Variants in EPHA5 observed in about 807,000 individuals in gnomAD.
EPHA5 encodes EPH receptor A5.
In EPHA5, 60 loss-of-function variants were observed where a neutral mutation model predicts 105.0. The observed-to-expected ratio is 0.57, with a 90% CI of 0.46 to 0.71. The LOEUF is 0.71. Ranked by LOEUF, EPHA5 falls within the 30% of genes least tolerant of loss-of-function variation. EPHA5 has a pLI of 0.00. For missense variants in EPHA5, 1,218 were observed against 1,274.7 expected, an observed-to-expected ratio of 0.96 and a Z score of 0.68; for synonymous variants, 513 against 449.1, an observed-to-expected ratio of 1.14 and a Z score of -1.80.
At chr4:65,623,142 A>C (rs1469662300) in intron 2 of EPHA5, among the ~76,000 whole-genome samples, 3 of 152,072 alleles carry the variant, frequency 2.0e-5, no homozygotes, top group Non-Finnish European at 1.5e-5. Context: ...AAAAAATCCC[A>C]CTTTTATTAA....
intron 3 of EPHA5, among the ~76,000 whole-genome samples, chr4:65,527,450 A>G (rs779619387): frequency 6.6e-6 from 1 of 152,060 alleles, no homozygotes; most frequent in Non-Finnish European, 1.5e-5. Flanking sequence ...CATGGAGTAC[A>G]AAAAGTCATA....
chr4:65,572,647 A>T (rs1740310970), intron 3 of EPHA5, among the ~76,000 whole-genome samples: 1 of 152,202 alleles, frequency 6.6e-6, no homozygotes, highest in Admixed American at 6.5e-5. Flanking sequence ...TGTTATATGT[A>T]CGGAATATGA....
In EPHA5 at chr4:65,601,926, C is replaced by T. The variant is rs202165566; in HGVS notation, c.625G>A (p.Gly209Arg). The T allele has an allele frequency of 6.7e-5, 108 of 1,613,940 alleles. 1 individual carries two copies. The highest frequency in any genetic ancestry group is 3.4e-6 in the Non-Finnish European group (4 of 1,179,998). Residue 209 changes from glycine (G) to arginine (R), a missense_variant, in exon 3 of 17, where the codon GGA (glycine) becomes AGA (arginine). By Grantham distance (125) the Gly-to-Arg change is moderately radical. Around this residue, in one of 3 missense-constraint regions of EPHA5, gnomAD observed 971 missense variants for 1,013.5 expected, o/e 0.96. Coordinates refer to ENST00000613740, the MANE Select transcript of EPHA5 (RefSeq NM_001281766.3). ...VRDVGPLSKK[G>R]FYLAFQDVGA... ...ACATCTTGAAAAGCAAGATAAAATC[C>T]CTTTTTGCTTAGAGGTCCTACATCT...
intron 1 of EPHA5, among the ~76,000 whole-genome samples, chr4:65,661,566 T>G (rs1318529660): frequency 2.6e-5 from 4 of 152,226 alleles, no homozygotes; most frequent in Admixed American, 2.6e-4. Context: ...AGAAAAACTC[T>G]TAAGTGAGAT....
At chr4:65,351,627 T>A (rs1277442017) in intron 12 of EPHA5, 29 bp from the exon 13 acceptor site, 3 of 1,595,934 alleles carry the variant, frequency 1.9e-6, no homozygotes, top group Non-Finnish European at 1.7e-6. Flanking sequence ...AATATTAGTC[T>A]AGCAACACCA....
chr4:65,562,586 G>A (rs1739128262), intron 3 of EPHA5, among the ~76,000 whole-genome samples: 1 of 152,040 alleles, frequency 6.6e-6, no homozygotes, highest in East Asian at 1.9e-4. Flanking sequence ...ATCCATGCAT[G>A]TGGAAGACAT....
At chr4:65,386,169 C>A (rs1720062757) in intron 8 of EPHA5, among the ~76,000 whole-genome samples, 1 of 151,800 alleles carries the variant, frequency 6.6e-6, no homozygotes, top group Admixed American at 6.6e-5. Flanking sequence ...TGAAGTGCTA[C>A]AATCCCACTA....
At chr4:65,444,186 G>T (rs1458717868) in intron 5 of EPHA5, among the ~76,000 whole-genome samples, 1 of 152,066 alleles carries the variant, frequency 6.6e-6, no homozygotes, top group African/African-American at 2.4e-5. Context: ...TTCCAGTTCT[G>T]CCACTTTCTA....
chr4:65,664,453 C>T (rs1168779630), intron 1 of EPHA5, among the ~76,000 whole-genome samples: 1 of 151,852 alleles, frequency 6.6e-6, no homozygotes, highest in African/African-American at 2.4e-5. Context: ...TCTGTGTTTA[C>T]AAAGCCTTCA....
chr4:65,376,854 T>C (rs1719056783), intron 8 of EPHA5: 2 of 568,860 alleles, frequency 3.5e-6, no homozygotes, highest in South Asian at 9.0e-5. Context: ...AAATAATCCA[T>C]TGTGAAATCA....
At chr4:65,572,374 A>T (rs1422683869) in intron 3 of EPHA5, among the ~76,000 whole-genome samples, 1 of 152,184 alleles carries the variant, frequency 6.6e-6, no homozygotes, top group Non-Finnish European at 1.5e-5. Context: ...CTTACTCTCC[A>T]ACGCAGGCAT....
chr4:65,646,226 C>T (rs1013968933), intron 1 of EPHA5, among the ~76,000 whole-genome samples: 5 of 152,110 alleles, frequency 3.3e-5, no homozygotes, highest in African/African-American at 7.2e-5. Context: ...TCTATGACTA[C>T]TCAATTCCTA....
chr4:65,411,948 G>A lies in EPHA5; in HGVS notation c.1687+2336C>T, dbSNP rs752764757. ...ATTTTAAAATAATAAGCAAAATTAGGCTGGGCACGGTGGCTGACGCCTGTA... is the reference window on the plus strand; with the variant it reads ...ATTTTAAAATAATAAGCAAAATTAGACTGGGCACGGTGGCTGACGCCTGTA... On this transcript the variant is annotated intron_variant, in intron 7 of 16. Coordinates refer to ENST00000613740, the MANE Select transcript of EPHA5 (RefSeq NM_001281766.3). 3.5e-4 allele frequency among the ~76,000 whole-genome samples: 53 copies of A among 152,176 alleles called. 1 individual carries two copies. The highest frequency in any genetic ancestry group is 7.5e-4 in the Non-Finnish European group (51 of 68,024).
rs2149571698 is a variant in EPHA5, at chr4:65,669,667, C to T, written c.76G>A (p.Ala26Thr). The change falls in exon 1 of 17, where the codon GCG becomes ACG. Residue 26 changes from alanine to threonine, a missense_variant. By Grantham distance (58) the Ala-to-Thr change is moderately conservative (BLOSUM62 0). Transcript: ENST00000613740. ...SGGGDTPITP[A>T]SLAGCYSAPR... ...GCAGAGTAGCAGCCGGCCAGGGACG[C>T]TGGGGTGATGGGGGTGTCGCCGCCG... The T allele has an allele frequency of 7.4e-7, 1 of 1,357,654 alleles. No homozygotes were observed. The highest frequency in any genetic ancestry group is 2.1e-5 in the South Asian group (1 of 48,602). The allele number at this position is 1,357,654 out of a possible 1,614,324, so 84.1% of individuals were successfully genotyped here.
intron 5 of EPHA5, among the ~76,000 whole-genome samples, chr4:65,465,817 A>G (rs1728662095): frequency 6.6e-6 from 1 of 152,154 alleles, no homozygotes; most frequent in Non-Finnish European, 1.5e-5. Context: ...AGAAAAAAAT[A>G]CCCATTTGTA....
intron 3 of EPHA5, among the ~76,000 whole-genome samples, chr4:65,526,934 T>G (rs1237352876): frequency 6.6e-6 from 1 of 152,062 alleles, no homozygotes; most frequent in East Asian, 1.9e-4. Flanking sequence ...TAAAAAAATC[T>G]AATGCTACTA....
intron 8 of EPHA5, among the ~76,000 whole-genome samples, chr4:65,372,725 TA>T (rs1718607811): frequency 1.3e-5 from 2 of 151,890 alleles, no homozygotes; most frequent in Non-Finnish European, 2.9e-5. Flanking sequence ...CTAACAACCC[TA>T]TGATTAATGC....
At chr4:65,325,093 A>T (rs1306411523) in intron 16 of EPHA5, among the ~76,000 whole-genome samples, 2 of 151,444 alleles carry the variant, frequency 1.3e-5, no homozygotes. Flanking sequence ...AAACATGAAC[A>T]ATTCAAAATC....
chr4:65,524,739 T>C (rs1735070560), intron 3 of EPHA5, among the ~76,000 whole-genome samples: 1 of 151,840 alleles, frequency 6.6e-6, no homozygotes, highest in Non-Finnish European at 1.5e-5. Flanking sequence ...AATAAAATCC[T>C]GGACATTTCC....
Sources: gnomAD v4.1 joint callset for allele counts (sites outside exome capture counted in the v4.1 genomes callset) on GRCh38, gnomAD v4.1.1 for gene constraint, gnomAD v4.1.1 regional missense constraint, MANE v1.5 for transcripts, NCBI Gene and HGNC (gene_info 2026-07-23, HGNC 2026-07-21) for gene names.